Variants in AK9 observed in about 807,000 individuals in gnomAD.
AK9 encodes adenylate kinase 9.
AK9 carries 191 observed loss-of-function variants against 239.6 expected under a neutral mutation model. The observed-to-expected ratio is 0.80, with a 90% CI of 0.71 to 0.90. AK9 has a LOEUF of 0.90. Among genes scored for constraint, AK9 ranks in the 40% least tolerant of loss-of-function variants. AK9 has a pLI of 0.00. For missense variants in AK9, 1,995 were observed against 2,214.7 expected, an observed-to-expected ratio of 0.90 and a Z score of 1.99; for synonymous variants, 689 against 721.0, an observed-to-expected ratio of 0.96 and a Z score of 0.71.
chr6:109,618,318 T>A (rs1485784649), intron 13 of AK9, among the ~76,000 whole-genome samples: 1 of 152,072 alleles, frequency 6.6e-6, no homozygotes, highest in African/African-American at 2.4e-5. Flanking sequence ...TGTGTTCTAA[T>A]ATGATTAGTT....
intron 27 of AK9, among the ~76,000 whole-genome samples, chr6:109,539,478 A>G (rs1782538976): frequency 6.6e-6 from 1 of 152,128 alleles, no homozygotes; most frequent in South Asian, 2.1e-4. Context: ...AGTTCTCTAC[A>G]CTGGTTATTC....
intron 6 of AK9, among the ~76,000 whole-genome samples, chr6:109,660,496 TTTC>T (rs1181809869): frequency 2.2e-4 from 34 of 152,316 alleles, no homozygotes; most frequent in African/African-American, 7.9e-4. Context: ...CATTTTCTGA[TTTC>T]TTCATGCCAT....
chr6:109,649,284 A>G (rs1394344888), intron 8 of AK9, among the ~76,000 whole-genome samples: 2 of 151,854 alleles, frequency 1.3e-5, no homozygotes, highest in Non-Finnish European at 2.9e-5. Flanking sequence ...TTCAATTAGG[A>G]AAAGAGGAAG....
chr6:109,685,224 AC>A (rs1773331934), intron 1 of AK9, among the ~76,000 whole-genome samples: 1 of 152,212 alleles, frequency 6.6e-6, no homozygotes, highest in Admixed American at 6.5e-5. Context: ...TAATCTCATT[AC>A]TGGGTATATA....
intron 5 of AK9, among the ~76,000 whole-genome samples, chr6:109,667,902 C>T (rs879279313): frequency 6.6e-5 from 10 of 152,134 alleles, no homozygotes; most frequent in Non-Finnish European, 1.3e-4. Context: ...ATTTATATTC[C>T]TTTGGCTATA....
intron 17 of AK9, among the ~76,000 whole-genome samples, chr6:109,586,866 G>A (rs1162538663): frequency 1.3e-5 from 2 of 152,148 alleles, no homozygotes; most frequent in African/African-American, 4.8e-5. Flanking sequence ...CTTCAAACAA[G>A]TTTGTGTACC....
At position 109,614,204 on chromosome 6, in the gene AK9, C is replaced by G; in HGVS notation, c.1588G>C (p.Ala530Pro). Residue 530 changes from alanine to proline, a missense_variant, in exon 15 of 41, where the codon GCT becomes CCT. Around this residue, in one of 5 missense-constraint regions of AK9, gnomAD observed 1,290 missense variants for 1,392.7 expected, o/e 0.93. Coordinates refer to ENST00000424296, the MANE Select transcript of AK9 (RefSeq NM_001145128.3). ...TKSENVLHDQ[A>P]AKVDKDDGKE... is the part of the protein sequence containing the mutation. ...TTACCATCTTTATCAACTTTAGCAG[C>G]TTGATCATGGAGGACATTTTCTGAC... The G allele has an allele frequency of 6.4e-7, 1 of 1,551,176 alleles. No individual in the cohort carries two copies. Among genetic ancestry groups the G allele is most frequent in the Non-Finnish European group, 8.7e-7 (1 of 1,146,642 alleles).
chr6:109,585,138 T>C lies in AK9; in HGVS notation c.2099A>G (p.Glu700Gly). 1 of 1,103,030 alleles carries C rather than the reference T, an allele frequency of 9.1e-7. No homozygotes were observed. The highest frequency in any genetic ancestry group is 1.2e-6 in the Non-Finnish European group (1 of 862,056). 68.3% of individuals were successfully genotyped at this position (1,103,030 alleles called of 1,614,324 possible). A position where few individuals can be genotyped will look rare whatever the true frequency, so the allele number is the denominator to read the frequency against. The change falls in exon 19 of 41, where the codon GAA (glutamate) becomes GGA (glycine). Residue 700 changes from glutamate to glycine, a missense_variant. By Grantham distance (98) the Glu-to-Gly change is moderately conservative (BLOSUM62 -2). Around this residue, in one of 5 missense-constraint regions of AK9, gnomAD observed 1,290 missense variants for 1,392.7 expected, o/e 0.93. Coordinates refer to ENST00000424296, the MANE Select transcript of AK9 (RefSeq NM_001145128.3). ...CAGATTTTACCTTGCTTCTTCTTCT[T>C]CTTTTTTTTTCTTTTGTAGTTCTTC... ...LLEELQKKKKEEEEARKATEE... is the reference protein window; with the variant it reads ...LLEELQKKKKGEEEARKATEE...
In AK9 at chr6:109,671,904, T is replaced by G; in HGVS notation, c.331+15A>C. 6.2e-7 allele frequency: 1 copy of G among 1,609,312 alleles called. No individual in the cohort carries two copies. Among genetic ancestry groups the G allele is most frequent in the Non-Finnish European group, 8.5e-7 (1 of 1,176,728 alleles). On this transcript the variant is annotated intron_variant, in intron 5 of 40. Transcript: ENST00000424296. The stretch of plus-strand genomic sequence containing the variant: ...GGCTGCTTTGTGGGCTGTAAATATA[T>G]TAAAATAAACATACCAAAGTGACAG...
chr6:109,652,448 T>C (rs773567693), intron 8 of AK9, among the ~76,000 whole-genome samples: 4 of 152,184 alleles, frequency 2.6e-5, no homozygotes, highest in Non-Finnish European at 5.9e-5. Context: ...GCTCAGGAGT[T>C]TGAGATCATA....
At chr6:109,513,322 T>G (rs1288906231) in intron 32 of AK9, among the ~76,000 whole-genome samples, 6 of 152,104 alleles carry the variant, frequency 3.9e-5, no homozygotes, top group Non-Finnish European at 8.8e-5. Flanking sequence ...CCTATATGCC[T>G]TTTTGACTGT....
intron 17 of AK9, among the ~76,000 whole-genome samples, chr6:109,594,647 T>A (rs1360882279): frequency 6.6e-6 from 1 of 152,152 alleles, no homozygotes; most frequent in Non-Finnish European, 1.5e-5. Flanking sequence ...AAAATGGTAC[T>A]GGTACCAAAA....
At chr6:109,613,716 CTATAA>C (rs1324292501) in intron 15 of AK9, among the ~76,000 whole-genome samples, 18 of 150,908 alleles carry the variant, frequency 1.2e-4, no homozygotes, top group Admixed American at 2.6e-4. Flanking sequence ...TACAGCTATT[CTATAA>C]TATATTACAT....
At chr6:109,538,641 T>C (rs1782373548) in intron 27 of AK9, among the ~76,000 whole-genome samples, 1 of 151,936 alleles carries the variant, frequency 6.6e-6, no homozygotes. Context: ...AATTTGATCC[T>C]GTCATTATGA....
intron 1 of AK9, among the ~76,000 whole-genome samples, chr6:109,686,789 G>T (rs995766375): frequency 2.6e-5 from 4 of 152,178 alleles, no homozygotes; most frequent in African/African-American, 9.7e-5. Context: ...GATATCAAGT[G>T]ACTATGCAAC....
intron 1 of AK9, among the ~76,000 whole-genome samples, chr6:109,681,389 G>A (rs1772610453): frequency 6.6e-6 from 1 of 152,174 alleles, no homozygotes; most frequent in African/African-American, 2.4e-5. Flanking sequence ...GCAGCAAGAA[G>A]AGCTAACTAT....
At chr6:109,661,690 T>G (rs6568590) in intron 6 of AK9, among the ~76,000 whole-genome samples, 88,577 of 152,042 alleles carry the variant, frequency 0.58, 27,493 homozygotes, top group East Asian at 0.84. Flanking sequence ...CACCTCTCTC[T>G]CACAGCTGAC....
chr6:109,521,779 C>A (rs939469533), intron 29 of AK9, among the ~76,000 whole-genome samples: 1 of 151,942 alleles, frequency 6.6e-6, no homozygotes, highest in Non-Finnish European at 1.5e-5. Flanking sequence ...GTATCAAGAC[C>A]AAGCATCATT....
intron 1 of AK9, among the ~76,000 whole-genome samples, chr6:109,685,298 T>C (rs567437812): frequency 2.0e-5 from 3 of 152,298 alleles, no homozygotes; most frequent in African/African-American, 2.4e-5. Context: ...ACTGCAGCAC[T>C]ATTTACTACA....
Sources: allele counts gnomAD v4.1 joint callset (sites outside exome capture counted in the v4.1 genomes callset), GRCh38; gene constraint gnomAD v4.1.1; regional missense constraint gnomAD v4.1.1; transcripts MANE v1.5; gene names NCBI Gene and HGNC (gene_info 2026-07-23, HGNC 2026-07-21).